Variants in FAM20C observed in about 807,000 individuals in gnomAD.
FAM20C encodes FAM20C golgi associated secretory pathway kinase, also known as extracellular serine/threonine protein kinase FAM20C.
Under a neutral mutation model 51.5 loss-of-function variants are expected in FAM20C, and 40 were observed. That is an observed-to-expected ratio of 0.78 (90% confidence interval 0.60 to 1.01). FAM20C has a LOEUF of 1.01. Among genes scored for constraint, FAM20C ranks in the 50% least tolerant of loss-of-function variants. The pLI is 0.00. For synonymous variants in FAM20C, 406 were observed against 380.6 expected, an observed-to-expected ratio of 1.07 and a Z score of -0.78; for missense variants, 861 against 844.7, an observed-to-expected ratio of 1.02 and a Z score of -0.24.
chr7:256,822 C>T (rs959847727), intron 7 of FAM20C, 59 bp downstream of exon 7: 70 of 1,487,636 alleles, frequency 4.7e-5, no homozygotes, highest in Middle Eastern at 1.8e-4. Context: ...AGCGGATGCA[C>T]GCAGGGCTCT....
intron 3 of FAM20C, among the ~76,000 whole-genome samples, chr7:241,931 C>G (rs993233121): frequency 3.3e-5 from 5 of 152,040 alleles, no homozygotes; most frequent in Non-Finnish European, 5.9e-5. Context: ...TAATGTGCAT[C>G]TGTGTGTGTG....
chr7:259,926 C>G lies in FAM20C; in HGVS notation c.1701C>G (p.His567Gln). 1 of 1,533,302 alleles carries G rather than the reference C, an allele frequency of 6.5e-7. No homozygotes were observed. Among genetic ancestry groups the G allele is most frequent in the South Asian group, 1.2e-5 (1 of 83,962 alleles). 95.0% of individuals were successfully genotyped at this position (1,533,302 alleles called of 1,614,324 possible). ...VRDCVERNGL[H>Q]SVVDDDLDTE... Reference sequence around the variant, plus strand: ...ACTGCGTGGAGAGGAACGGGCTCCACAGCGTGGTGGATGACGACCTGGACA... The same window carrying G: ...ACTGCGTGGAGAGGAACGGGCTCCAGAGCGTGGTGGATGACGACCTGGACA... The change falls in exon 10 of 10, where the codon CAC (histidine) becomes CAG (glutamine). Residue 567 changes from histidine (H) to glutamine (Q), a missense_variant. This residue lies in a region of FAM20C where 269 missense variants were observed against 283.8 expected (regional missense o/e 0.95). Transcript: ENST00000313766.
chr7:224,266 G>A (rs1787377661), intron 3 of FAM20C, among the ~76,000 whole-genome samples: 2 of 65,956 alleles, frequency 3.0e-5, no homozygotes, highest in African/African-American at 5.0e-5. Context: ...GTCGCATGGC[G>A]GCTGTCCCCT....
At position 248,303 on chromosome 7, in the gene FAM20C, G is replaced by T. The variant is rs953743954; in HGVS notation, c.957-12G>T. 4.6e-6 allele frequency: 7 copies of T among 1,516,814 alleles called. No individual in the cohort carries two copies. Among genetic ancestry groups the T allele is most frequent in the Non-Finnish European group, 6.2e-6 (7 of 1,134,080 alleles). 94.0% of individuals were successfully genotyped at this position (1,516,814 alleles called of 1,614,324 possible). ...ACAGAGCACAGACCATTCCCCGCCC[G>T]TTTCTTGCCAGGATCCTGGACTTCC... is the stretch of plus-strand genomic sequence containing the variant. On this transcript the variant is annotated splice_polypyrimidine_tract_variant and intron_variant, in intron 4 of 9. Coordinates refer to ENST00000313766, the MANE Select transcript of FAM20C (RefSeq NM_020223.4).
chr7:250,115 CT>C (rs1360881170), intron 5 of FAM20C, among the ~76,000 whole-genome samples: 2 of 152,210 alleles, frequency 1.3e-5, no homozygotes, highest in African/African-American at 4.8e-5. Flanking sequence ...ATTAGGGCCC[CT>C]GATTAGCTGC....
In FAM20C at chr7:203,054, G is replaced by C. The variant is rs1042382598; in HGVS notation, c.785-5844G>C. The stretch of plus-strand genomic sequence containing the variant: ...GAGATGGAGGGAAGGTGGTAGGTGG[G>C]AGAGGGCTTAGCAGGTGAGTCTCTG... On this transcript the variant is annotated intron_variant, in intron 2 of 9. Coordinates refer to ENST00000313766, the MANE Select transcript of FAM20C (RefSeq NM_020223.4). Among the ~76,000 whole-genome samples, 4 of 152,296 alleles carry C rather than the reference G, an allele frequency of 2.6e-5. No individual in the cohort carries two copies. In the East Asian group the frequency reaches 5.8e-4, roughly 22 times the overall value.
At chr7:206,438 C>G (rs545396983) in intron 2 of FAM20C, among the ~76,000 whole-genome samples, 8 of 152,202 alleles carry the variant, frequency 5.3e-5, no homozygotes, top group Non-Finnish European at 1.0e-4. Flanking sequence ...CCCCATCCCA[C>G]CTTTGCACCC....
At chr7:236,205 C>T (rs998136231) in intron 3 of FAM20C, among the ~76,000 whole-genome samples, 2 of 98,350 alleles carry the variant, frequency 2.0e-5, no homozygotes, top group Non-Finnish European at 1.9e-5. Flanking sequence ...CTGAGCGGCT[C>T]CTGGCCGAGG....
intron 2 of FAM20C, among the ~76,000 whole-genome samples, chr7:203,508 G>A (rs1045691992): frequency 6.6e-6 from 1 of 152,226 alleles, no homozygotes. Flanking sequence ...GATGAGCACC[G>A]AAGGCCTGAG....
chr7:204,223 C>A (rs1786248427), intron 2 of FAM20C, among the ~76,000 whole-genome samples: 2 of 152,210 alleles, frequency 1.3e-5, no homozygotes, highest in African/African-American at 4.8e-5. Flanking sequence ...CATTGAAAAC[C>A]CCCCGGTACC....
intron 3 of FAM20C, among the ~76,000 whole-genome samples, chr7:226,000 G>A (rs1282649455): frequency 6.6e-6 from 1 of 151,884 alleles, no homozygotes; most frequent in Non-Finnish European, 1.5e-5. Flanking sequence ...GCTGTCCCCT[G>A]AGCCTTCTCT....
At chr7:202,455 G>A (rs558352791) in intron 2 of FAM20C, among the ~76,000 whole-genome samples, 1 of 109,014 alleles carries the variant, frequency 9.2e-6, no homozygotes, top group Non-Finnish European at 1.8e-5. Context: ...ATGGGGGGGC[G>A]CTATGGATAT....
chr7:218,950 C>T (rs935728257), intron 3 of FAM20C, among the ~76,000 whole-genome samples: 2 of 152,060 alleles, frequency 1.3e-5, no homozygotes, highest in African/African-American at 2.4e-5. Context: ...GGGCCCAGGA[C>T]GGACAGATCA....
intron 3 of FAM20C, among the ~76,000 whole-genome samples, chr7:231,947 A>C (rs1040640757): frequency 6.6e-6 from 1 of 151,838 alleles, no homozygotes; most frequent in South Asian, 2.1e-4. Flanking sequence ...CGGCCCCAGC[A>C]CCCGCCCCTG....
chr7:214,288 G>A (rs991347268), intron 3 of FAM20C, among the ~76,000 whole-genome samples: 2 of 151,932 alleles, frequency 1.3e-5, no homozygotes, highest in South Asian at 2.1e-4. Flanking sequence ...TCACGCCACC[G>A]CACTCCAGCC....
chr7:248,356 T>A lies in FAM20C; in HGVS notation c.998T>A (p.Met333Lys), dbSNP rs1562394086. 1 of 1,537,138 alleles carries A rather than the reference T, an allele frequency of 6.5e-7. No homozygotes were observed. The highest frequency in any genetic ancestry group is 2.4e-5 in the East Asian group (1 of 40,908). ...FRRVPPVAGR[M>K]VNMTKEIRDV... is the part of the protein sequence containing the mutation. ...CGGGTCCCTCCCGTGGCCGGCAGGA[T>A]GGTCAACATGACCAAGGAGATCCGG... The change falls in exon 5 of 10, where the codon ATG becomes AAG. Residue 333 changes from methionine (M) to lysine (K), a missense_variant. Physicochemically the swap from Met to Lys is moderately conservative, Grantham distance 95. Coordinates refer to ENST00000313766, the MANE Select transcript of FAM20C (RefSeq NM_020223.4).
intron 5 of FAM20C, among the ~76,000 whole-genome samples, chr7:249,687 TG>T (rs907574121): frequency 4.0e-5 from 6 of 151,690 alleles, no homozygotes; most frequent in Non-Finnish European, 7.4e-5. Context: ...CTGCAGTGAG[TG>T]GGGGTTGCAC....
chr7:213,184 A>T (rs1049258058), intron 3 of FAM20C, among the ~76,000 whole-genome samples: 20 of 136,170 alleles, frequency 1.5e-4, no homozygotes, highest in African/African-American at 5.1e-4. Context: ...TGTGAGTGAC[A>T]TGGACGGCTG....
chr7:216,666 A>G (rs1786988740), intron 3 of FAM20C, among the ~76,000 whole-genome samples: 1 of 131,832 alleles, frequency 7.6e-6, no homozygotes, highest in Admixed American at 7.9e-5. Context: ...TGTGTGTGAG[A>G]GACAGAGTGT....
Sources: gnomAD v4.1 joint callset for allele counts (sites outside exome capture counted in the v4.1 genomes callset) on GRCh38, gnomAD v4.1.1 for gene constraint, gnomAD v4.1.1 regional missense constraint, MANE v1.5 for transcripts, NCBI Gene and HGNC (gene_info 2026-07-23, HGNC 2026-07-21) for gene names.